NDUFA5: variants seen among roughly 807,000 people sequenced by gnomAD.
NDUFA5 encodes the protein NADH dehydrogenase [ubiquinone] 1 alpha subcomplex subunit 5.
In NDUFA5, 11 loss-of-function variants were observed where a neutral mutation model predicts 19.8. The observed-to-expected ratio is 0.56, with a 90% CI of 0.35 to 0.92. The LOEUF (loss-of-function observed/expected upper bound fraction) is 0.92, where lower values mean the gene tolerates loss of function less well. NDUFA5 is among the 40% of genes least tolerant of loss of function. NDUFA5 has a pLI of 0.01. For synonymous variants in NDUFA5, 47 were observed against 46.8 expected (o/e 1.00, Z -0.01); for missense variants, 109 against 134.2 (o/e 0.81, Z 0.93).
intron 4 of NDUFA5, 116 bp from the exon 5 acceptor site, chr7:123,542,336 T>C: frequency 1.5e-6 from 1 of 662,512 alleles, no homozygotes; most frequent in Non-Finnish European, 2.5e-6. Context: ...CATAATCTAT[T>C]CCACCATCAA....
chr7:123,542,121 A>T lies in NDUFA5; in HGVS notation c.349T>A (p.Ter117LysextTer12). 1 of 1,604,810 alleles carries T rather than the reference A, an allele frequency of 6.2e-7. No homozygotes were observed. The highest frequency in any genetic ancestry group is 8.5e-7 in the Non-Finnish European group (1 of 1,174,952). Reference protein sequence around the residue: ...PPADQWKWPI* With the variant: ...PPADQWKWPIK ...AACACACCAAAGTCACTTAATAATT[A>T]TATTGGCCATTTCCACTGATCGGCA... Residue 117 changes from the stop codon to lysine (K), a stop_lost, in exon 5 of 5, where the codon TAA becomes AAA. Transcript: ENST00000355749.
the NDUFA5 span, among the ~76,000 whole-genome samples, chr7:123,590,540 G>A: frequency 9.9e-5 from 15 of 152,186 alleles, no homozygotes; most frequent in African/African-American, 3.6e-4. Flanking sequence ...TCTACATATG[G>A]CTAGCCAGTT....
the NDUFA5 span, among the ~76,000 whole-genome samples, chr7:123,571,303 A>G: frequency 2.6e-5 from 4 of 152,308 alleles, no homozygotes; most frequent in East Asian, 7.7e-4. Flanking sequence ...TTTTCGTTGT[A>G]CTGTGGTTTT....
the NDUFA5 span, among the ~76,000 whole-genome samples, chr7:123,575,271 C>T: frequency 6.6e-6 from 1 of 151,972 alleles, no homozygotes. Flanking sequence ...CTATCACGTT[C>T]CTTCTTTCTC....
intron 2 of NDUFA5, chr7:123,556,988 G>A (rs773610192): frequency 2.2e-6 from 1 of 456,556 alleles, no homozygotes; most frequent in South Asian, 1.6e-5. Flanking sequence ...GAAAACATTC[G>A]TGAATACAGA....
At chr7:123,600,497 T>C in the NDUFA5 span, among the ~76,000 whole-genome samples, 4 of 152,296 alleles carry the variant, frequency 2.6e-5, no homozygotes, top group Non-Finnish European at 5.9e-5. Context: ...TTTCTAATAT[T>C]GTAAGTAAAA....
upstream of NDUFA5, among the ~76,000 whole-genome samples, chr7:123,559,782 G>A (rs1441161032): frequency 1.3e-5 from 2 of 151,148 alleles, no homozygotes; most frequent in Non-Finnish European, 1.5e-5. Flanking sequence ...CTCAAACTCA[G>A]GAGGCAGAGG....
chr7:123,592,117 T>G, the NDUFA5 span, among the ~76,000 whole-genome samples: 7 of 152,244 alleles, frequency 4.6e-5, no homozygotes, highest in Non-Finnish European at 8.8e-5. Flanking sequence ...GATAGTAGTT[T>G]GTATTTCTGT....
Position 123,550,496 on chromosome 7 carries a change from T to C in NDUFA5, c.157A>G (p.Asn53Asp). 6.2e-7 allele frequency: 1 copy of C among 1,607,408 alleles called. No homozygotes were observed. The highest frequency in any genetic ancestry group is 1.1e-5 in the South Asian group (1 of 90,376). Residue 53 changes from asparagine (N) to aspartate (D), a missense_variant, in exon 3 of 5, where the codon AAT (asparagine) becomes GAT (aspartate). Coordinates refer to ENST00000355749, the MANE Select transcript of NDUFA5 (RefSeq NM_005000.5). ...AYRKYTEQIT[N>D]EKLAMVKAEP... The stretch of plus-strand genomic sequence containing the variant: ...GCTTTAACCATAGCCAGCTTCTCAT[T>C]TGTAATCTGTTCTGTATACTTTCTA...
At chr7:123,587,203 G>T in the NDUFA5 span, among the ~76,000 whole-genome samples, 1 of 151,514 alleles carries the variant, frequency 6.6e-6, no homozygotes, top group African/African-American at 2.4e-5. Context: ...CCATTTATTT[G>T]TGTCTTCTTT....
At position 123,538,270 on chromosome 7, in the gene NDUFA5, ACTG is replaced by A. The variant is rs955988449; in HGVS notation, c.*3846_*3848del. On this transcript the variant is annotated 3_prime_UTR_variant, in exon 5 of 5. Coordinates refer to ENST00000355749, the MANE Select transcript of NDUFA5 (RefSeq NM_005000.5). ...TATGAATAAAAAATACACTTAAGACACTGGGATTTAAGGATAACCCATGCTAAG... is the reference window on the plus strand; with the variant it reads ...TATGAATAAAAAATACACTTAAGACAGGATTTAAGGATAACCCATGCTAAG... The A allele has an allele frequency of 6.6e-6, 1 of 152,182 alleles. No homozygotes were observed. Among genetic ancestry groups the A allele is most frequent in the African/African-American group, 2.4e-5 (1 of 41,426 alleles). The allele number at this position is 152,182 out of a possible 1,614,324, so 9.4% of individuals were successfully genotyped here.
At chr7:123,564,813 G>A in the NDUFA5 span, among the ~76,000 whole-genome samples, 1 of 150,844 alleles carries the variant, frequency 6.6e-6, no homozygotes, top group Admixed American at 6.6e-5. Context: ...AGTATTAAAT[G>A]GATTTTTGAC....
rs1171982592 is a variant in NDUFA5, at chr7:123,538,993, A to C, written c.*3126T>G. The C allele has an allele frequency of 6.6e-6, 1 of 152,236 alleles. No individual in the cohort carries two copies. The highest frequency in any genetic ancestry group is 2.4e-5 in the African/African-American group (1 of 41,460). The allele number at this position is 152,236 out of a possible 1,614,324, so 9.4% of individuals were successfully genotyped here. On this transcript the variant is annotated 3_prime_UTR_variant, in exon 5 of 5. Coordinates refer to ENST00000355749, the MANE Select transcript of NDUFA5 (RefSeq NM_005000.5). ...ATTAGAAAATTGACAATAAAATATA[A>C]GCTCTCTTTTCTTCCATCCCCCAAT...
At chr7:123,563,768 G>T in the NDUFA5 span, among the ~76,000 whole-genome samples, 2 of 152,116 alleles carry the variant, frequency 1.3e-5, no homozygotes, top group South Asian at 4.2e-4. Flanking sequence ...GTATCCTAGA[G>T]CCAGTAGACC....
chr7:123,558,537 AGTT>A (rs1798639826), upstream of NDUFA5, among the ~76,000 whole-genome samples: 2 of 152,240 alleles, frequency 1.3e-5, no homozygotes, highest in African/African-American at 4.8e-5. Flanking sequence ...TTCTAAAAGA[AGTT>A]GATGCAAAGT....
rs1797776549 is a variant in NDUFA5 at position 123,537,119 on chromosome 7, A to C, written c.*5000T>G. ...ATTTTCCATTTTCCTTTTCATGATA[A>C]ATCTATGCATTTTCTCAGGATTTAT... is the stretch of plus-strand genomic sequence containing the variant. On this transcript the variant is annotated 3_prime_UTR_variant, in exon 5 of 5. Transcript: ENST00000355749. The C allele has an allele frequency of 6.6e-6, 1 of 152,166 alleles. No individual in the cohort carries two copies. Among genetic ancestry groups the C allele is most frequent in the African/African-American group, 2.4e-5 (1 of 41,434 alleles). 9.4% of individuals were successfully genotyped at this position (152,166 alleles called of 1,614,324 possible).
At chr7:123,553,646 A>G (rs1798436770) in intron 2 of NDUFA5, among the ~76,000 whole-genome samples, 1 of 152,234 alleles carries the variant, frequency 6.6e-6, no homozygotes, top group African/African-American at 2.4e-5. Context: ...TATAATACTT[A>G]GCAACGGTTA....
chr7:123,564,827 T>C, the NDUFA5 span, among the ~76,000 whole-genome samples: 2 of 151,862 alleles, frequency 1.3e-5, no homozygotes, highest in Admixed American at 6.6e-5. Context: ...TTTTGACTTA[T>C]GATATTTTCA....
the NDUFA5 span, among the ~76,000 whole-genome samples, chr7:123,577,498 T>TA: frequency 6.6e-6 from 1 of 152,212 alleles, no homozygotes; most frequent in Non-Finnish European, 1.5e-5. Context: ...CTTCAGTTTT[T>TA]ATTCAGATCG....
Sources: gnomAD v4.1 joint callset for allele counts (sites outside exome capture counted in the v4.1 genomes callset) on GRCh38, gnomAD v4.1.1 for gene constraint, MANE v1.5 for transcripts, NCBI Gene and HGNC (gene_info 2026-07-23, HGNC 2026-07-21) for gene names.